WDTC1: variants seen among roughly 807,000 people sequenced by gnomAD.
WDTC1 encodes the protein WD and tetratricopeptide repeats 1.
Under a neutral mutation model 76.0 loss-of-function variants are expected in WDTC1, and 12 were observed. That is an observed-to-expected ratio of 0.16 (90% CI 0.10 to 0.26). The LOEUF (loss-of-function observed/expected upper bound fraction) is 0.26, where lower values mean the gene tolerates loss of function less well. WDTC1 is among the 10% of genes least tolerant of loss of function. The probability of loss-of-function intolerance (pLI) is 1.00; values close to 1 mark genes in which losing one functional copy is unlikely to be tolerated. For synonymous variants in WDTC1, 326 were observed against 350.8 expected (o/e 0.93, Z 0.79); for missense variants, 511 against 908.8 (o/e 0.56, Z 5.63).
At position 27,303,130 on chromosome 1, in the gene WDTC1, G is replaced by C. The variant is rs914064788; in HGVS notation, c.1469-491G>C. On this transcript the variant is annotated intron_variant, in intron 13 of 15. Coordinates refer to ENST00000319394, the MANE Select transcript of WDTC1 (RefSeq NM_001276252.2). The surrounding 1 kb of genome is among the most constrained non-coding windows in gnomAD (Gnocchi z 4.8). Reference sequence around the variant, plus strand: ...TCTACTAAAAATACAAAAATTAGCTGGGCGTGGTGGCACGTGCCTGGTAGT... The same window carrying C: ...TCTACTAAAAATACAAAAATTAGCTCGGCGTGGTGGCACGTGCCTGGTAGT... Among the ~76,000 whole-genome samples the C allele has an allele frequency of 6.6e-6, 1 of 152,030 alleles. No individual in the cohort carries two copies. Among genetic ancestry groups the C allele is most frequent in the African/African-American group, 2.4e-5 (1 of 41,378 alleles).
At chr1:27,263,268 T>A in intron 3 of WDTC1, 33 bp downstream of exon 3, 1 of 1,600,756 alleles carries the variant, frequency 6.2e-7, no homozygotes, top group Non-Finnish European at 8.5e-7. Context: ...TAGATGCAGA[T>A]GGCCTGCTGT....
At chr1:27,286,917 C>T (rs1360165456) in intron 5 of WDTC1, among the ~76,000 whole-genome samples, 1 of 152,014 alleles carries the variant, frequency 6.6e-6, no homozygotes, top group Non-Finnish European at 1.5e-5. Context: ...AATCCCAGCA[C>T]TTTGGGAGGC....
At position 27,301,194 on chromosome 1, in the gene WDTC1, C is replaced by T; in HGVS notation, c.1233-32C>T. ...GGACCCCTTGCTTGCCACGTGGCTC[C>T]ACCTCCAAGCCGCTCTTCCCTGCCT... On this transcript the variant is annotated intron_variant, in intron 12 of 15. Coordinates refer to ENST00000319394, the MANE Select transcript of WDTC1 (RefSeq NM_001276252.2). The surrounding 1 kb of genome is among the most constrained non-coding windows in gnomAD (Gnocchi z 5.8). The T allele has an allele frequency of 3.1e-6, 5 of 1,603,778 alleles. No homozygotes were observed. The highest frequency in any genetic ancestry group is 1.1e-5 in the South Asian group (1 of 90,834).
At chr1:27,273,650 A>G (rs1206380252) in intron 3 of WDTC1, among the ~76,000 whole-genome samples, 2 of 152,220 alleles carry the variant, frequency 1.3e-5, no homozygotes, top group Non-Finnish European at 1.5e-5. Context: ...GTTAGACAAC[A>G]GTATTGTATC....
chr1:27,303,862 G>A lies in WDTC1; in HGVS notation c.1643+67G>A. 6.3e-7 allele frequency: 1 copy of A among 1,581,496 alleles called. No individual in the cohort carries two copies. The highest frequency in any genetic ancestry group is 8.6e-7 in the Non-Finnish European group (1 of 1,162,256). Reference sequence around the variant, plus strand: ...GGGAGGTTGAGTGGGGAGTGTTGGGGCATAATGGTTTCAGAGAAGAATCTC... The same window carrying A: ...GGGAGGTTGAGTGGGGAGTGTTGGGACATAATGGTTTCAGAGAAGAATCTC... On this transcript the variant is annotated intron_variant, in intron 14 of 15. Transcript: ENST00000319394. The surrounding 1 kb of genome is among the most constrained non-coding windows in gnomAD (Gnocchi z 4.8).
At chr1:27,243,179 C>T (rs567076432) in intron 1 of WDTC1, among the ~76,000 whole-genome samples, 62 of 150,552 alleles carry the variant, frequency 4.1e-4, no homozygotes, top group African/African-American at 1.4e-3. Context: ...AGGTGTGAGC[C>T]GCTGCTCCCT....
intron 3 of WDTC1, among the ~76,000 whole-genome samples, chr1:27,265,220 T>G (rs1448016690): frequency 6.6e-6 from 1 of 152,168 alleles, no homozygotes; most frequent in Admixed American, 6.6e-5. Context: ...CCAGCTTCTT[T>G]GTGAGGCTGG....
intron 6 of WDTC1, 54 bp downstream of exon 6, chr1:27,287,915 A>G: frequency 1.9e-6 from 3 of 1,562,226 alleles, no homozygotes; most frequent in South Asian, 2.4e-5. Context: ...CCATCATCCT[A>G]TAGTGTTTCC....
chr1:27,294,252 A>C, intron 8 of WDTC1, 136 bp downstream of exon 8: 1 of 937,386 alleles, frequency 1.1e-6, no homozygotes, highest in Non-Finnish European at 1.6e-6. Context: ...TTTAATCCCA[A>C]CTCTGCCATT....
Position 27,292,212 on chromosome 1 carries a change from C to T in WDTC1, c.480-3C>T. On this transcript the variant is annotated splice_polypyrimidine_tract_variant and splice_region_variant and intron_variant, in intron 6 of 15. Transcript: ENST00000319394. Reference sequence around the variant, plus strand: ...AATTCCCTAACTCTGTCCTCTCTCACAGCCAGTATGACCTTCGAGAGAACA... The same window carrying T: ...AATTCCCTAACTCTGTCCTCTCTCATAGCCAGTATGACCTTCGAGAGAACA... 1 of 1,567,342 alleles carries T rather than the reference C, an allele frequency of 6.4e-7. No homozygotes were observed. Among genetic ancestry groups the T allele is most frequent in the Non-Finnish European group, 8.7e-7 (1 of 1,153,176 alleles).
In WDTC1 at chr1:27,240,316, T is replaced by C. The variant is rs543319547; in HGVS notation, c.-100+5365T>C. Among the ~76,000 whole-genome samples the C allele has an allele frequency of 3.1e-4, 47 of 152,314 alleles. No individual in the cohort carries two copies. In the South Asian group the frequency reaches 9.3e-3, roughly 30 times the overall value. Reference sequence around the variant, plus strand: ...TAAAGTTAAGGAATATGCTGGAGGTTACACAACTAGTAGTGTAGGGCTGAT... The same window carrying C: ...TAAAGTTAAGGAATATGCTGGAGGTCACACAACTAGTAGTGTAGGGCTGAT... On this transcript the variant is annotated intron_variant, in intron 1 of 15. Coordinates refer to ENST00000319394, the MANE Select transcript of WDTC1 (RefSeq NM_001276252.2).
chr1:27,282,816 T>G (rs528425117), intron 4 of WDTC1, among the ~76,000 whole-genome samples: 5 of 151,852 alleles, frequency 3.3e-5, no homozygotes, highest in Non-Finnish European at 5.9e-5. Context: ...AAACCCTGTT[T>G]TTTTAATAAG....
chr1:27,239,517 C>CAAAAAAAA (rs1165446864), intron 1 of WDTC1, among the ~76,000 whole-genome samples: 1 of 40,568 alleles, frequency 2.5e-5, no homozygotes, highest in Non-Finnish European at 4.6e-5. Context: ...GACCCTGTCT[C>CAAAAAAAA]AAAAAAAAAA....
intron 1 of WDTC1, among the ~76,000 whole-genome samples, chr1:27,238,610 G>C (rs900779470): frequency 2.6e-5 from 4 of 152,252 alleles, no homozygotes; most frequent in Non-Finnish European, 2.9e-5. Context: ...TCATCTTCCA[G>C]GCTGGAGTGC....
At chr1:27,304,222 G>A (rs1322939688) in intron 14 of WDTC1, 1 of 188,740 alleles carries the variant, frequency 5.3e-6, no homozygotes, top group African/African-American at 2.4e-5. Context: ...TGTGTACTAA[G>A]GGACAAACTC....
At chr1:27,260,278 T>G (rs2147930674) in intron 1 of WDTC1, among the ~76,000 whole-genome samples, 1 of 152,212 alleles carries the variant, frequency 6.6e-6, no homozygotes, top group Middle Eastern at 3.4e-3. Flanking sequence ...CTAATTTTTT[T>G]GTATTTTTAG....
intron 12 of WDTC1, among the ~76,000 whole-genome samples, chr1:27,300,617 G>A (rs1433208127): frequency 2.0e-5 from 3 of 152,122 alleles, no homozygotes. Context: ...AGCTTCCAGA[G>A]AGCTGACTCT....
chr1:27,298,907 G>A (rs530920667), intron 12 of WDTC1, among the ~76,000 whole-genome samples: 2 of 152,330 alleles, frequency 1.3e-5, no homozygotes, highest in South Asian at 4.1e-4. Flanking sequence ...GGCCAGAGAG[G>A]GAAACTTAAG....
At chr1:27,273,455 G>A (rs2147948857) in intron 3 of WDTC1, among the ~76,000 whole-genome samples, 1 of 152,122 alleles carries the variant, frequency 6.6e-6, no homozygotes, top group African/African-American at 2.4e-5. Flanking sequence ...TGATCTGCCT[G>A]CCTCAGCCTC....
Sources: gnomAD v4.1 joint callset for allele counts (sites outside exome capture counted in the v4.1 genomes callset) on GRCh38, gnomAD v4.1.1 for gene constraint, Gnocchi (gnomAD v3.1) non-coding constraint, MANE v1.5 for transcripts, NCBI Gene and HGNC (gene_info 2026-07-23, HGNC 2026-07-21) for gene names.